Variants in VWC2 observed in about 807,000 individuals in gnomAD.
The protein encoded by VWC2 is brorin.
A neutral mutation model predicts 29.8 loss-of-function variants in VWC2; 14 were observed. The observed-to-expected ratio is 0.47, with a 90% CI of 0.31 to 0.74. The LOEUF (loss-of-function observed/expected upper bound fraction) is 0.74. Among genes scored for constraint, VWC2 ranks in the 30% least tolerant of loss-of-function variants. The pLI is 0.05. For synonymous variants in VWC2, 213 were observed against 199.0 expected, an observed-to-expected ratio of 1.07 and a Z score of -0.59; for missense variants, 457 against 459.8, an observed-to-expected ratio of 0.99 and a Z score of 0.05.
intron 3 of VWC2, among the ~76,000 whole-genome samples, chr7:49,878,217 G>C (rs1248325279): frequency 6.6e-6 from 1 of 151,956 alleles, no homozygotes; most frequent in Admixed American, 6.6e-5. Flanking sequence ...ACATATATTC[G>C]TTCCTTGTAT....
intron 3 of VWC2, among the ~76,000 whole-genome samples, chr7:49,872,934 A>AAAG (rs1371607375): frequency 2.7e-5 from 4 of 148,688 alleles, no homozygotes; most frequent in East Asian, 1.9e-4. Context: ...AAAAAAAAAA[A>AAAG]AAAGAAAGAA....
chr7:49,868,436 C>T (rs546446858), intron 3 of VWC2, among the ~76,000 whole-genome samples: 17 of 152,092 alleles, frequency 1.1e-4, no homozygotes, highest in Non-Finnish European at 1.6e-4. Context: ...TAATTCAGAG[C>T]CACCATGTCT....
chr7:49,804,328 C>A (rs1458930110), intron 3 of VWC2, among the ~76,000 whole-genome samples: 1 of 152,044 alleles, frequency 6.6e-6, no homozygotes, highest in African/African-American at 2.4e-5. Context: ...CTGGCAGAGT[C>A]TCGGTGTGGC....
At chr7:49,823,572 G>T (rs756642651) in intron 3 of VWC2, among the ~76,000 whole-genome samples, 1 of 152,182 alleles carries the variant, frequency 6.6e-6, no homozygotes, top group Non-Finnish European at 1.5e-5. Context: ...TTCCTGGGCC[G>T]TAAATATCCT....
chr7:49,892,503 G>C (rs1032490955), intron 3 of VWC2, among the ~76,000 whole-genome samples: 10 of 152,216 alleles, frequency 6.6e-5, no homozygotes, highest in Non-Finnish European at 1.5e-4. Context: ...GGAGTGCAGA[G>C]ATAGGCAAAC....
Position 49,903,753 on chromosome 7 carries a change from T to C in VWC2, c.827-8281T>C, listed in dbSNP as rs572329106. 7.7e-4 allele frequency among the ~76,000 whole-genome samples: 118 copies of C among 152,318 alleles called. 1 individual carries two copies. Among genetic ancestry groups the C allele is most frequent in the Non-Finnish European group, 1.4e-3 (94 of 68,010 alleles). ...GGTATATACCCAGGGTTTGTGGTCT[T>C]GCTCCAGGAAAATTTAGGACAGGGA... On this transcript the variant is annotated intron_variant, in intron 3 of 3. Coordinates refer to ENST00000340652, the MANE Select transcript of VWC2 (RefSeq NM_198570.5).
intron 3 of VWC2, among the ~76,000 whole-genome samples, chr7:49,835,419 G>A (rs1357552170): frequency 6.6e-6 from 1 of 152,172 alleles, no homozygotes; most frequent in African/African-American, 2.4e-5. Context: ...GCATGGTGGG[G>A]GCTGGGATGA....
chr7:49,776,413 C>T, intron 2 of VWC2, among the ~76,000 whole-genome samples: 1 of 152,178 alleles, frequency 6.6e-6, no homozygotes, highest in East Asian at 1.9e-4. Context: ...CAACAGGTAT[C>T]GGAGGGACTT....
chr7:49,844,387 C>T (rs1461774856), intron 3 of VWC2, among the ~76,000 whole-genome samples: 1 of 152,194 alleles, frequency 6.6e-6, no homozygotes, highest in Non-Finnish European at 1.5e-5. Flanking sequence ...CCAGGTCTGT[C>T]AGAACGATCG....
intron 2 of VWC2, among the ~76,000 whole-genome samples, chr7:49,789,947 G>C (rs907664079): frequency 1.3e-5 from 2 of 152,218 alleles, no homozygotes; most frequent in African/African-American, 2.4e-5. Context: ...TTGCAGAGGC[G>C]GGGGTGCAGG....
intron 3 of VWC2, among the ~76,000 whole-genome samples, chr7:49,869,374 CAGG>C (rs932433401): frequency 1.3e-5 from 2 of 151,968 alleles, no homozygotes; most frequent in African/African-American, 4.8e-5. Flanking sequence ...TTCATCTGGC[CAGG>C]AGGAGAAGGG....
intron 3 of VWC2, among the ~76,000 whole-genome samples, chr7:49,824,181 C>T (rs1789336959): frequency 6.6e-6 from 1 of 152,022 alleles, no homozygotes; most frequent in African/African-American, 2.4e-5. Flanking sequence ...TTGCCTAATC[C>T]AAGGTCACAA....
At chr7:49,852,191 C>T (rs780854105) in intron 3 of VWC2, among the ~76,000 whole-genome samples, 5 of 152,226 alleles carry the variant, frequency 3.3e-5, no homozygotes, top group Non-Finnish European at 7.3e-5. Context: ...ATCTCAGACC[C>T]TTACTAACAT....
At chr7:49,892,995 A>G (rs1792210075) in intron 3 of VWC2, among the ~76,000 whole-genome samples, 2 of 152,324 alleles carry the variant, frequency 1.3e-5, no homozygotes, top group African/African-American at 2.4e-5. Context: ...AATTTATTTG[A>G]CAGCGGGGAC....
chr7:49,884,839 A>G (rs1219973546), intron 3 of VWC2, among the ~76,000 whole-genome samples: 6 of 152,190 alleles, frequency 3.9e-5, no homozygotes, highest in Non-Finnish European at 7.3e-5. Flanking sequence ...ATAGACGTCA[A>G]TAGTTAATCA....
intron 3 of VWC2, among the ~76,000 whole-genome samples, chr7:49,811,593 G>A (rs1789008111): frequency 6.6e-6 from 1 of 152,136 alleles, no homozygotes; most frequent in African/African-American, 2.4e-5. Flanking sequence ...AGGATATTTA[G>A]CAGTATGAGA....
At chr7:49,791,073 T>C (rs558069808) in intron 2 of VWC2, among the ~76,000 whole-genome samples, 2 of 152,262 alleles carry the variant, frequency 1.3e-5, no homozygotes, top group South Asian at 4.1e-4. Context: ...TGGGTGTGTT[T>C]TCACTCCATA....
rs762791675 is a variant in VWC2, at chr7:49,911,898, AAAAC to A, written c.827-120_827-117del. 225 of 674,882 alleles carry A rather than the reference AAAAC, an allele frequency of 3.3e-4. 1 individual carries two copies. The highest frequency in any genetic ancestry group is 2.5e-3 in the East Asian group (62 of 24,334). 41.8% of individuals were successfully genotyped at this position (674,882 alleles called of 1,614,324 possible). ...GGTGATAGAGCAAGACTCTGTCTCA[AAAAC>A]AAACAAACAAACAAATACACGCACA... On this transcript the variant is annotated intron_variant, in intron 3 of 3. Coordinates refer to ENST00000340652, the MANE Select transcript of VWC2 (RefSeq NM_198570.5).
At chr7:49,821,885 A>T (rs572683991) in intron 3 of VWC2, among the ~76,000 whole-genome samples, 1 of 152,336 alleles carries the variant, frequency 6.6e-6, no homozygotes, top group Admixed American at 6.5e-5. Flanking sequence ...ATTGTGTTGC[A>T]ATATTCATAA....
Sources: gnomAD v4.1 joint callset for allele counts (sites outside exome capture counted in the v4.1 genomes callset) on GRCh38, gnomAD v4.1.1 for gene constraint, MANE v1.5 for transcripts, NCBI Gene and HGNC (gene_info 2026-07-23, HGNC 2026-07-21) for gene names.